The following INO80 variants were observed in gnomAD, a reference collection of about 807,000 sequenced individuals.
INO80 encodes the protein INO80 complex ATPase subunit.
A neutral mutation model predicts 203.4 loss-of-function variants in INO80; 20 were observed. The observed-to-expected ratio is 0.10, with a 90% CI of 0.07 to 0.14. The LOEUF is 0.14. Ranked by LOEUF, INO80 falls within the 10% of genes least tolerant of loss-of-function variation. The pLI is 1.00. For missense variants in INO80, 1,419 were observed against 1,914.4 expected, an observed-to-expected ratio of 0.74 and a Z score of 4.83; for synonymous variants, 726 against 685.2, an observed-to-expected ratio of 1.06 and a Z score of -0.93.
chr15:41,026,515 T>C (rs1459272071), intron 25 of INO80, among the ~76,000 whole-genome samples: 2 of 151,604 alleles, frequency 1.3e-5, no homozygotes, highest in Admixed American at 6.6e-5. Context: ...ATAATGCCAC[T>C]GCACTCCAGG....
chr15:41,060,605 G>T (rs1183957923), intron 14 of INO80, among the ~76,000 whole-genome samples: 1 of 151,972 alleles, frequency 6.6e-6, no homozygotes, highest in Non-Finnish European at 1.5e-5. Flanking sequence ...AAAAATTGTA[G>T]TTCAAGGAAA....
At chr15:41,049,674 C>G (rs1485615726) in intron 20 of INO80, among the ~76,000 whole-genome samples, 1 of 152,104 alleles carries the variant, frequency 6.6e-6, no homozygotes. Context: ...TCCCTTGAGG[C>G]CAAGAGTTTG....
At position 41,079,727 on chromosome 15, in the gene INO80, G is replaced by A. The variant is rs2140623440; in HGVS notation, c.1105C>T (p.Arg369Trp). ...KRAEKEALEQ[R>W]KLDEEMREAK... ...TCCCGCATTTCCTCATCCAACTTCC[G>A]CTGCTCCAAAGCTTCCTTCTCTGCT... The change falls in exon 9 of 36, where the codon CGG (arginine) becomes TGG (tryptophan). Residue 369 changes from arginine to tryptophan, a missense_variant. By Grantham distance (101) the Arg-to-Trp change is moderately radical. Around this residue, in one of 9 missense-constraint regions of INO80, gnomAD observed 87 missense variants for 150.5 expected, o/e 0.58. Transcript: ENST00000648947. 6.2e-7 allele frequency: 1 copy of A among 1,614,072 alleles called. No individual in the cohort carries two copies. Among genetic ancestry groups the A allele is most frequent in the Non-Finnish European group, 8.5e-7 (1 of 1,180,018 alleles).
chr15:41,112,786 C>CAAAAAA (rs893121991), intron 1 of INO80, among the ~76,000 whole-genome samples: 1 of 19,194 alleles, frequency 5.2e-5, no homozygotes, highest in Non-Finnish European at 9.0e-5. Flanking sequence ...GACTCCATCT[C>CAAAAAA]AAAAAAAAAA....
At chr15:41,058,476 C>G (rs903259485) in intron 16 of INO80, among the ~76,000 whole-genome samples, 163 bp downstream of exon 16, 5 of 151,926 alleles carry the variant, frequency 3.3e-5, no homozygotes, top group Admixed American at 2.6e-4. Flanking sequence ...GCCTGGGCAG[C>G]AAAGCGAGAC....
intron 15 of INO80, 68 bp from the exon 16 acceptor site, chr15:41,058,849 G>T: frequency 2.0e-6 from 3 of 1,500,806 alleles, no homozygotes; most frequent in Non-Finnish European, 2.7e-6. Flanking sequence ...CTGATGTATG[G>T]ACTGTTTTTC....
intron 27 of INO80, among the ~76,000 whole-genome samples, chr15:41,011,108 A>G (rs1388828255): frequency 6.6e-6 from 1 of 152,178 alleles, no homozygotes; most frequent in Admixed American, 6.5e-5. Context: ...CTTCTATGCC[A>G]TATGTTCCAG....
rs574760055 is a variant in INO80 at position 41,056,033 on chromosome 15, C to T, written c.2070+589G>A. On this transcript the variant is annotated intron_variant, in intron 17 of 35. Coordinates refer to ENST00000648947, the MANE Select transcript of INO80 (RefSeq NM_017553.3). ...AATCTCGGCTCATTGTAACTTTGAC[C>T]TCAGGATTCAAGCAATCATCCCAAC... is the stretch of plus-strand genomic sequence containing the variant. Among the ~76,000 whole-genome samples, 10 of 151,026 alleles carry T rather than the reference C, an allele frequency of 6.6e-5. No individual in the cohort carries two copies. The East Asian group carries it at 2.0e-3, about 30-fold the overall frequency.
At chr15:41,062,541 A>G (rs576791099) in intron 14 of INO80, among the ~76,000 whole-genome samples, 1 of 152,182 alleles carries the variant, frequency 6.6e-6, no homozygotes, top group Non-Finnish European at 1.5e-5. Context: ...TCCAAAAAAA[A>G]CCAAAAAGAA....
chr15:41,028,589 T>C (rs2044411975), intron 24 of INO80, among the ~76,000 whole-genome samples: 1 of 152,248 alleles, frequency 6.6e-6, no homozygotes, highest in Non-Finnish European at 1.5e-5. Context: ...TTCACTTATG[T>C]TGCCGTATCA....
chr15:41,074,964 C>T (rs532658200), intron 9 of INO80, among the ~76,000 whole-genome samples: 108 of 152,034 alleles, frequency 7.1e-4, no homozygotes, highest in Non-Finnish European at 1.1e-3. Flanking sequence ...AGGCTGGTCT[C>T]GAACTGAGGT....
chr15:41,098,417 G>A (rs915085289), intron 1 of INO80, among the ~76,000 whole-genome samples: 3 of 152,120 alleles, frequency 2.0e-5, no homozygotes, highest in African/African-American at 4.8e-5. Flanking sequence ...GCTCATGCCT[G>A]TAATCCCAGC....
chr15:41,065,456 A>C (rs952122795), intron 14 of INO80, among the ~76,000 whole-genome samples: 27 of 152,032 alleles, frequency 1.8e-4, no homozygotes, highest in African/African-American at 6.3e-4. Context: ...AACAAAAAAC[A>C]AAAAAAACAG....
chr15:40,991,643 T>C (rs137995065), intron 29 of INO80, among the ~76,000 whole-genome samples: 205 of 152,060 alleles, frequency 1.3e-3, no homozygotes, highest in Non-Finnish European at 2.5e-3. Flanking sequence ...CTTCATGACA[T>C]TGTAAACACC....
intron 9 of INO80, among the ~76,000 whole-genome samples, chr15:41,075,961 T>G (rs1566939553): frequency 1.3e-5 from 2 of 152,304 alleles, no homozygotes; most frequent in Non-Finnish European, 2.9e-5. Flanking sequence ...CTATAAATTA[T>G]TCTGAAAGCC....
chr15:41,006,712 G>A (rs917733936), intron 27 of INO80, among the ~76,000 whole-genome samples: 1 of 152,178 alleles, frequency 6.6e-6, no homozygotes, highest in Non-Finnish European at 1.5e-5. Context: ...AGAGGTCTCT[G>A]GCTAGGGTAC....
chr15:40,985,664 C>A (rs566599719), intron 31 of INO80, among the ~76,000 whole-genome samples: 1 of 152,242 alleles, frequency 6.6e-6, no homozygotes, highest in South Asian at 2.1e-4. Flanking sequence ...AATCCCAGCA[C>A]TTTGGGAGGC....
intron 8 of INO80, 118 bp downstream of exon 8, chr15:41,080,902 G>T: frequency 1.4e-6 from 1 of 703,080 alleles, no homozygotes; most frequent in South Asian, 1.7e-5. Context: ...ACTCTCTTAC[G>T]AACTATTAGA....
At chr15:41,115,416 C>T in intron 1 of INO80, among the ~76,000 whole-genome samples, 1 of 152,218 alleles carries the variant, frequency 6.6e-6, no homozygotes, top group East Asian at 1.9e-4. Context: ...GAGGTGTCAT[C>T]TAGACACTCC....
Sources: allele counts gnomAD v4.1 joint callset (sites outside exome capture counted in the v4.1 genomes callset), GRCh38; gene constraint gnomAD v4.1.1; regional missense constraint gnomAD v4.1.1; transcripts MANE v1.5; gene names NCBI Gene and HGNC (gene_info 2026-07-23, HGNC 2026-07-21).